Variants in PDLIM5 observed in about 807,000 individuals in gnomAD.
PDLIM5 encodes PDZ and LIM domain 5, also known as PDZ and LIM domain protein 5.
PDLIM5 carries 34 observed loss-of-function variants against 64.2 expected under a neutral mutation model. The ratio of observed to expected loss-of-function variants is 0.53; its 90% CI spans 0.40 to 0.71. The LOEUF (loss-of-function observed/expected upper bound fraction) is 0.71. PDLIM5 is among the 30% of genes least tolerant of loss of function. The pLI is 0.00. For missense variants in PDLIM5, 683 were observed against 733.6 expected (o/e 0.93, Z 0.80); for synonymous variants, 253 against 269.1 (o/e 0.94, Z 0.59).
chr4:94,667,919 A>G lies in PDLIM5; in HGVS notation c.*3852A>G, dbSNP rs904639721. The G allele has an allele frequency of 1.3e-5, 2 of 152,142 alleles. No homozygotes were observed. The highest frequency in any genetic ancestry group is 4.8e-5 in the African/African-American group (2 of 41,440). 9.4% of individuals were successfully genotyped at this position (152,142 alleles called of 1,614,324 possible). ...GTGGCATTTGGAGTTTGTCATCCCCATTGAAGGGAGAGCCTTCTCAGACAT... is the reference window on the plus strand; with the variant it reads ...GTGGCATTTGGAGTTTGTCATCCCCGTTGAAGGGAGAGCCTTCTCAGACAT... On this transcript the variant is annotated 3_prime_UTR_variant, in exon 13 of 13. Coordinates refer to ENST00000317968, the MANE Select transcript of PDLIM5 (RefSeq NM_006457.5).
chr4:94,453,684 C>T (rs927665813), intron 1 of PDLIM5, among the ~76,000 whole-genome samples: 1 of 152,046 alleles, frequency 6.6e-6, no homozygotes, highest in African/African-American at 2.4e-5. Context: ...CAGGACAGTC[C>T]TTCTATTAGT....
intron 3 of PDLIM5, among the ~76,000 whole-genome samples, chr4:94,543,982 A>AT (rs1732083638): frequency 6.6e-6 from 1 of 152,188 alleles, no homozygotes; most frequent in South Asian, 2.1e-4. Context: ...TCTATTTCTA[A>AT]TTTTTTAAGG....
intron 10 of PDLIM5, among the ~76,000 whole-genome samples, chr4:94,656,242 A>G (rs1286314982): frequency 1.3e-5 from 2 of 152,088 alleles, no homozygotes; most frequent in African/African-American, 2.4e-5. Flanking sequence ...TGCTTTATGT[A>G]TATGATTTTT....
chr4:94,507,456 C>G (rs1026137061), intron 2 of PDLIM5, among the ~76,000 whole-genome samples: 1 of 152,100 alleles, frequency 6.6e-6, no homozygotes, highest in Non-Finnish European at 1.5e-5. Context: ...TATGATTCAC[C>G]TTGAGGCAAA....
rs565831374 is a variant in PDLIM5, at chr4:94,505,491, G to C, written c.97-18233G>C. ...TGGCCAGGCTGATGTTGAACTTCTA[G>C]CCTCAAGTGATCTGCCCACCTCAGC... On this transcript the variant is annotated intron_variant, in intron 2 of 12. Coordinates refer to ENST00000317968, the MANE Select transcript of PDLIM5 (RefSeq NM_006457.5). Among the ~76,000 whole-genome samples, 3 of 152,048 alleles carry C rather than the reference G, an allele frequency of 2.0e-5. No individual in the cohort carries two copies. In the East Asian group the frequency reaches 5.8e-4, roughly 29 times the overall value.
chr4:94,568,279 C>A (rs1490667578), intron 3 of PDLIM5, among the ~76,000 whole-genome samples: 1 of 152,190 alleles, frequency 6.6e-6, no homozygotes, highest in Non-Finnish European at 1.5e-5. Flanking sequence ...TGTCTTTCTA[C>A]AGTGACAGAG....
At chr4:94,510,605 G>T (rs1728783001) in intron 2 of PDLIM5, among the ~76,000 whole-genome samples, 1 of 152,084 alleles carries the variant, frequency 6.6e-6, no homozygotes, top group African/African-American at 2.4e-5. Flanking sequence ...TTTTGTTGCT[G>T]TTTTAATCAG....
In PDLIM5 at chr4:94,601,290, T is replaced by G. The variant is rs139939163; in HGVS notation, c.920+14846T>G. On this transcript the variant is annotated intron_variant, in intron 7 of 12. Coordinates refer to ENST00000317968, the MANE Select transcript of PDLIM5 (RefSeq NM_006457.5). ...ATATGGTAGGAGAGAGGGAGCTCTC[T>G]GAGGTATCTCTTATAAGGGACCCCT... Among the ~76,000 whole-genome samples, 130 of 152,318 alleles carry G rather than the reference T, an allele frequency of 8.5e-4. 4 individuals are homozygous for G. In the East Asian group the frequency reaches 0.024, roughly 28 times the overall value.
intron 2 of PDLIM5, among the ~76,000 whole-genome samples, chr4:94,487,135 T>C (rs1370602733): frequency 6.6e-6 from 1 of 152,238 alleles, no homozygotes; most frequent in Non-Finnish European, 1.5e-5. Flanking sequence ...TATACTTCTC[T>C]TAACTTGAAG....
chr4:94,585,451 A>G (rs1736103910), intron 5 of PDLIM5, 114 bp from the exon 6 acceptor site: 2 of 654,402 alleles, frequency 3.1e-6, no homozygotes, highest in Admixed American at 3.4e-5. Context: ...AACTGTTTAT[A>G]TAAAAGGAAT....
At chr4:94,464,644 A>G (rs1724188320) in intron 2 of PDLIM5, among the ~76,000 whole-genome samples, 1 of 152,242 alleles carries the variant, frequency 6.6e-6, no homozygotes. Context: ...CTAGCTAGCT[A>G]TCGTGTTACA....
chr4:94,517,450 A>G (rs1729462869), intron 2 of PDLIM5, among the ~76,000 whole-genome samples: 1 of 152,214 alleles, frequency 6.6e-6, no homozygotes, highest in African/African-American at 2.4e-5. Flanking sequence ...CATTAATTAG[A>G]TTTTAAGAAA....
chr4:94,455,699 A>C, intron 2 of PDLIM5: 1 of 1,219,934 alleles, frequency 8.2e-7, no homozygotes, highest in South Asian at 1.3e-5. Flanking sequence ...GTTCTTTCAT[A>C]TATAATTTTC....
At chr4:94,631,278 C>G (rs1470996790) in intron 8 of PDLIM5, among the ~76,000 whole-genome samples, 1 of 151,976 alleles carries the variant, frequency 6.6e-6, no homozygotes, top group African/African-American at 2.4e-5. Context: ...GCCTTTTATC[C>G]TTAAGTTTTA....
At chr4:94,508,478 GA>G (rs1343392134) in intron 2 of PDLIM5, among the ~76,000 whole-genome samples, 1 of 152,190 alleles carries the variant, frequency 6.6e-6, no homozygotes. Flanking sequence ...CCTTGGTTTT[GA>G]AAGGCTACAG....
Position 94,459,331 on chromosome 4 carries a change from A to G in PDLIM5, c.96+3947A>G, listed in dbSNP as rs114772119. Among the ~76,000 whole-genome samples the G allele has an allele frequency of 9.1e-3, 1,388 of 152,336 alleles. 24 individuals carry two copies. The highest frequency in any genetic ancestry group is 0.031 in the African/African-American group (1,290 of 41,570). On this transcript the variant is annotated intron_variant, in intron 2 of 12. Transcript: ENST00000317968. ...TAAACACATTTTAGATGTTTCTTTAAGAGATAAGAATTAGGTCAAACTTTT... is the reference window on the plus strand; with the variant it reads ...TAAACACATTTTAGATGTTTCTTTAGGAGATAAGAATTAGGTCAAACTTTT...
chr4:94,625,072 T>C (rs1489156801), intron 8 of PDLIM5, among the ~76,000 whole-genome samples: 5 of 152,192 alleles, frequency 3.3e-5, no homozygotes, highest in Non-Finnish European at 7.3e-5. Context: ...TTGGAGAGAA[T>C]TCCCTGGGCA....
intron 11 of PDLIM5, 39 bp from the exon 12 acceptor site, chr4:94,662,383 C>T: frequency 1.1e-6 from 1 of 931,292 alleles, no homozygotes; most frequent in Non-Finnish European, 1.8e-6. Flanking sequence ...AAAACTTCAT[C>T]ATGTTTAAAT....
intron 2 of PDLIM5, among the ~76,000 whole-genome samples, chr4:94,478,033 G>A (rs1192462646): frequency 2.0e-5 from 3 of 151,976 alleles, no homozygotes; most frequent in Non-Finnish European, 2.9e-5. Context: ...CGAGGCGAGC[G>A]GATCATGAGG....
Sources: gnomAD v4.1 joint callset for allele counts (sites outside exome capture counted in the v4.1 genomes callset) on GRCh38, gnomAD v4.1.1 for gene constraint, MANE v1.5 for transcripts, NCBI Gene and HGNC (gene_info 2026-07-23, HGNC 2026-07-21) for gene names.